The following GALNT17 variants were observed in gnomAD, a reference collection of about 807,000 sequenced individuals.
The protein encoded by GALNT17 is UDP-GalNAc:polypeptide N-acetylgalactosaminyltransferase-like 3.
GALNT17 carries 29 observed loss-of-function variants against 63.7 expected under a neutral mutation model. The ratio of observed to expected loss-of-function variants is 0.46; its 90% CI spans 0.34 to 0.62. The LOEUF (loss-of-function observed/expected upper bound fraction) is 0.62. GALNT17 is among the 20% of genes least tolerant of loss of function. The pLI is 0.01. For missense variants in GALNT17, 603 were observed against 799.6 expected (o/e 0.75, Z 2.97); for synonymous variants, 305 against 318.3 (o/e 0.96, Z 0.45).
chr7:71,316,446 T>G (rs2115973183), intron 1 of GALNT17, among the ~76,000 whole-genome samples: 1 of 152,260 alleles, frequency 6.6e-6, no homozygotes, highest in South Asian at 2.1e-4. Flanking sequence ...TGATCCATAA[T>G]TTGGTTGTGT....
At chr7:71,173,438 G>C (rs1349082491) in intron 1 of GALNT17, among the ~76,000 whole-genome samples, 1 of 152,128 alleles carries the variant, frequency 6.6e-6, no homozygotes, top group Non-Finnish European at 1.5e-5. Context: ...TTTAATATTA[G>C]TTTAGTGGTG....
rs539409371 is a variant in GALNT17 at position 71,142,447 on chromosome 7, G to A, written c.238+9407G>A. 2.2e-3 allele frequency among the ~76,000 whole-genome samples: 337 copies of A among 152,266 alleles called. 1 individual carries two copies. Among genetic ancestry groups the A allele is most frequent in the African/African-American group, 7.5e-3 (313 of 41,552 alleles). The stretch of plus-strand genomic sequence containing the variant: ...GGCTGATGGCTTTTAATGCCTAGGA[G>A]AAGAAATGGCAGCCTGTCTGACAAA... On this transcript the variant is annotated intron_variant, in intron 1 of 10. Transcript: ENST00000333538.
chr7:71,550,326 A>C (rs1189351483), intron 5 of GALNT17, among the ~76,000 whole-genome samples: 1 of 152,046 alleles, frequency 6.6e-6, no homozygotes, highest in African/African-American at 2.4e-5. Context: ...TATAACTAGC[A>C]TTATTACATG....
chr7:71,213,474 C>T (rs1789419893), intron 1 of GALNT17, among the ~76,000 whole-genome samples: 1 of 152,106 alleles, frequency 6.6e-6, no homozygotes, highest in East Asian at 1.9e-4. Flanking sequence ...ACATAGTGTT[C>T]TCTGGTTTGC....
chr7:71,711,005 C>G (rs1278391976), intron 10 of GALNT17, 77 bp downstream of exon 10: 1 of 1,522,636 alleles, frequency 6.6e-7, no homozygotes, highest in East Asian at 2.4e-5. Context: ...ATCCTGCTTC[C>G]CCAGGGGTCC....
intron 3 of GALNT17, among the ~76,000 whole-genome samples, chr7:71,411,695 C>A (rs1296415077): frequency 6.6e-6 from 1 of 152,134 alleles, no homozygotes; most frequent in East Asian, 1.9e-4. Flanking sequence ...TGACCCTGCC[C>A]CTGCAGGAGA....
chr7:71,411,320 C>A (rs183968306), intron 3 of GALNT17, among the ~76,000 whole-genome samples: 2 of 151,982 alleles, frequency 1.3e-5, no homozygotes, highest in African/African-American at 4.8e-5. Flanking sequence ...AAGGTCACAC[C>A]ATGTGGCTAG....
intron 1 of GALNT17, among the ~76,000 whole-genome samples, chr7:71,162,170 TGTTGCTATGCC>T (rs1788361822): frequency 6.9e-6 from 1 of 145,780 alleles, no homozygotes; most frequent in African/African-American, 2.5e-5. Flanking sequence ...CCTTCCTTCC[TGTTGCTATGCC>T]TCTTTTTGGT....
chr7:71,473,612 G>A (rs1404917713), intron 5 of GALNT17, among the ~76,000 whole-genome samples: 1 of 151,972 alleles, frequency 6.6e-6, no homozygotes, highest in Non-Finnish European at 1.5e-5. Flanking sequence ...AAGGGGTGGG[G>A]CATAATGAGG....
Position 71,200,026 on chromosome 7 carries a change from T to G in GALNT17, c.238+66986T>G, listed in dbSNP as rs576714095. ...ACCTTTCTTGTAAACACACATCTCCTCAGAAAATGTTTTGAGAAATCTGCT... is the reference window on the plus strand; with the variant it reads ...ACCTTTCTTGTAAACACACATCTCCGCAGAAAATGTTTTGAGAAATCTGCT... On this transcript the variant is annotated intron_variant, in intron 1 of 10. Coordinates refer to ENST00000333538, the MANE Select transcript of GALNT17 (RefSeq NM_022479.3). Among the ~76,000 whole-genome samples the G allele has an allele frequency of 8.5e-5, 13 of 152,298 alleles. No individual in the cohort carries two copies. In the South Asian group the frequency reaches 2.7e-3, roughly 32 times the overall value.
chr7:71,473,717 G>A (rs1423518205), intron 5 of GALNT17, among the ~76,000 whole-genome samples: 1 of 152,048 alleles, frequency 6.6e-6, no homozygotes, highest in Admixed American at 6.5e-5. Flanking sequence ...TCAGTCAGTG[G>A]GGTGGCCTAG....
At position 71,592,566 on chromosome 7, in the gene GALNT17, A is replaced by G. The variant is rs1255659861; in HGVS notation, c.1080+21164A>G. ...TAAAATAGCATAGCATAGCATACTA[A>G]AATAAAATAAAATAAAATAAAATAA... On this transcript the variant is annotated intron_variant, in intron 6 of 10. Transcript: ENST00000333538. 3.6e-4 allele frequency among the ~76,000 whole-genome samples: 27 copies of G among 75,704 alleles called. 1 individual carries two copies. Among genetic ancestry groups the G allele is most frequent in the South Asian group, 2.4e-3 (5 of 2,076 alleles). 49.7% of individuals were successfully genotyped at this position (75,704 alleles called of 152,430 possible).
intron 1 of GALNT17, among the ~76,000 whole-genome samples, chr7:71,323,906 T>A (rs1331777544): frequency 6.6e-6 from 1 of 152,192 alleles, no homozygotes; most frequent in Non-Finnish European, 1.5e-5. Flanking sequence ...CAAGGGCACA[T>A]AGACTATGAT....
chr7:71,133,388 G>A (rs776532572), intron 1 of GALNT17, among the ~76,000 whole-genome samples: 5 of 110,206 alleles, frequency 4.5e-5, no homozygotes, highest in Non-Finnish European at 3.6e-5. Flanking sequence ...GGAGGCGCGC[G>A]GGCAGACGTG....
chr7:71,298,932 A>T (rs202234566), intron 1 of GALNT17, among the ~76,000 whole-genome samples: 1 of 152,092 alleles, frequency 6.6e-6, no homozygotes, highest in African/African-American at 2.4e-5. Flanking sequence ...GTGGCTGTGG[A>T]ATGTCATATC....
At chr7:71,153,092 G>C (rs1788163091) in intron 1 of GALNT17, among the ~76,000 whole-genome samples, 1 of 152,260 alleles carries the variant, frequency 6.6e-6, no homozygotes, top group African/African-American at 2.4e-5. Context: ...ATCTCCAGGG[G>C]TTTCAGACAA....
intron 6 of GALNT17, among the ~76,000 whole-genome samples, chr7:71,572,471 C>T (rs1458503136): frequency 1.4e-5 from 2 of 140,028 alleles, no homozygotes; most frequent in African/African-American, 5.4e-5. Context: ...CATTACACTC[C>T]AGCCCAGGCA....
chr7:71,597,282 A>G (rs142189721), intron 6 of GALNT17, among the ~76,000 whole-genome samples: 5,634 of 152,006 alleles, frequency 0.037, 319 homozygotes, highest in African/African-American at 0.13. Flanking sequence ...CTTGTGATCC[A>G]CCTGCCTCAG....
intron 5 of GALNT17, among the ~76,000 whole-genome samples, chr7:71,519,200 A>G (rs530411322): frequency 2.0e-5 from 3 of 152,138 alleles, no homozygotes; most frequent in Non-Finnish European, 4.4e-5. Context: ...ACTACCAGAT[A>G]AACACAGGGA....
Sources: gnomAD v4.1 joint callset for allele counts (sites outside exome capture counted in the v4.1 genomes callset) on GRCh38, gnomAD v4.1.1 for gene constraint, MANE v1.5 for transcripts, NCBI Gene and HGNC (gene_info 2026-07-23, HGNC 2026-07-21) for gene names.